Variants in HRH1 observed in about 807,000 individuals in gnomAD.
The protein encoded by HRH1 is histamine H1 receptor.
In HRH1, 6 loss-of-function variants were observed where a neutral mutation model predicts 10.3. That is an observed-to-expected ratio of 0.58 (90% confidence interval 0.32 to 1.15). The LOEUF is 1.15. Among genes scored for constraint, HRH1 ranks in the 50% most tolerant of loss-of-function variants. The pLI is 0.05. For synonymous variants in HRH1, 242 were observed against 236.7 expected, an observed-to-expected ratio of 1.02 and a Z score of -0.21; for missense variants, 514 against 615.3, an observed-to-expected ratio of 0.84 and a Z score of 1.74.
chr3:11,228,206 T>C (rs759798766), intron 1 of HRH1, among the ~76,000 whole-genome samples: 8 of 152,178 alleles, frequency 5.3e-5, no homozygotes, highest in Non-Finnish European at 7.3e-5. Flanking sequence ...ATTGGTTGCA[T>C]TGGAACCATC....
intron 1 of HRH1, among the ~76,000 whole-genome samples, chr3:11,168,118 T>C (rs2125011539): frequency 6.6e-6 from 1 of 152,178 alleles, no homozygotes; most frequent in East Asian, 1.9e-4. Flanking sequence ...GATTGAAGCA[T>C]GCATGCCCGT....
chr3:11,260,627 G>T lies in HRH1; in HGVS notation c.*126G>T. On this transcript the variant is annotated 3_prime_UTR_variant, in exon 2 of 2. Transcript: ENST00000431010. ...TGGAATCCAAACCACAGTCTTAGGGGCTTGGTAGTTTGGAAAGTTCTTAGG... is the reference window on the plus strand; with the variant it reads ...TGGAATCCAAACCACAGTCTTAGGGTCTTGGTAGTTTGGAAAGTTCTTAGG... 3 of 854,896 alleles carry T rather than the reference G, an allele frequency of 3.5e-6. No individual in the cohort carries two copies. Among genetic ancestry groups the T allele is most frequent in the Non-Finnish European group, 5.6e-6 (3 of 537,676 alleles). 53.0% of individuals were successfully genotyped at this position (854,896 alleles called of 1,614,324 possible).
chr3:11,191,454 A>G (rs2125021535), intron 1 of HRH1, among the ~76,000 whole-genome samples: 1 of 152,322 alleles, frequency 6.6e-6, no homozygotes, highest in South Asian at 2.1e-4. Context: ...TAGGAGCTTC[A>G]GGTGTTAGTG....
chr3:11,189,207 C>G (rs942562264), intron 1 of HRH1, among the ~76,000 whole-genome samples: 1 of 151,640 alleles, frequency 6.6e-6, no homozygotes, highest in African/African-American at 2.4e-5. Flanking sequence ...TCTGCATCCT[C>G]AGACTAATGT....
chr3:11,139,893 A>G (rs1431732616), intron 1 of HRH1, among the ~76,000 whole-genome samples: 1 of 152,228 alleles, frequency 6.6e-6, no homozygotes, highest in Non-Finnish European at 1.5e-5. Context: ...GAAAACTGCT[A>G]GTGGTGATGG....
intron 1 of HRH1, among the ~76,000 whole-genome samples, chr3:11,223,815 A>G (rs1938793189): frequency 6.6e-6 from 1 of 152,240 alleles, no homozygotes; most frequent in Non-Finnish European, 1.5e-5. Flanking sequence ...AGAAGTTGAG[A>G]GAAGGGTTCA....
At chr3:11,239,684 C>A (rs1396444253) in intron 1 of HRH1, among the ~76,000 whole-genome samples, 1 of 152,046 alleles carries the variant, frequency 6.6e-6, no homozygotes, top group African/African-American at 2.4e-5. Flanking sequence ...CTAAATTCAT[C>A]CTTCTGCTGG....
Position 11,260,653 on chromosome 3 carries a change from C to T in HRH1, c.*152C>T, listed in dbSNP as rs1264307331. 4 of 692,720 alleles carry T rather than the reference C, an allele frequency of 5.8e-6. No homozygotes were observed. The Admixed American group carries it at 8.2e-5, about 14-fold the overall frequency. 42.9% of individuals were successfully genotyped at this position (692,720 alleles called of 1,614,324 possible). ...CTTGGTAGTTTGGAAAGTTCTTAGGCACCATAGAAGAACAGCAGATGGCGG... is the reference window on the plus strand; with the variant it reads ...CTTGGTAGTTTGGAAAGTTCTTAGGTACCATAGAAGAACAGCAGATGGCGG... On this transcript the variant is annotated 3_prime_UTR_variant, in exon 2 of 2. Coordinates refer to ENST00000431010, the MANE Select transcript of HRH1 (RefSeq NM_001098212.2).
At chr3:11,213,997 C>T (rs1160736826) in intron 1 of HRH1, among the ~76,000 whole-genome samples, 1 of 151,922 alleles carries the variant, frequency 6.6e-6, no homozygotes, top group Non-Finnish European at 1.5e-5. Flanking sequence ...CTGAGGTGGG[C>T]CTGGGGCCGG....
chr3:11,167,796 A>ACG (rs1937076167), intron 1 of HRH1, among the ~76,000 whole-genome samples: 1 of 152,240 alleles, frequency 6.6e-6, no homozygotes, highest in African/African-American at 2.4e-5. Context: ...TCATGACATC[A>ACG]CGTGCTCAGC....
intron 1 of HRH1, among the ~76,000 whole-genome samples, chr3:11,176,291 C>T (rs569071863): frequency 1.3e-5 from 2 of 152,218 alleles, no homozygotes; most frequent in East Asian, 3.9e-4. Context: ...TTCCCACCCA[C>T]CTATAGTCCA....
chr3:11,262,802 G>A lies in HRH1; in HGVS notation c.*2301G>A, dbSNP rs1019591757. On this transcript the variant is annotated 3_prime_UTR_variant, in exon 2 of 2. Coordinates refer to ENST00000431010, the MANE Select transcript of HRH1 (RefSeq NM_001098212.2). ...AATGGTCAATAAATATAAATTACCAGCGTCTAAGGAACAAGGTCTATGCAT... is the reference window on the plus strand; with the variant it reads ...AATGGTCAATAAATATAAATTACCAACGTCTAAGGAACAAGGTCTATGCAT... 1 of 167,112 alleles carries A rather than the reference G, an allele frequency of 6.0e-6. No homozygotes were observed. Among genetic ancestry groups the A allele is most frequent in the African/African-American group, 2.4e-5 (1 of 41,462 alleles). 10.4% of individuals were successfully genotyped at this position (167,112 alleles called of 1,614,324 possible). A position where few individuals can be genotyped will look rare whatever the true frequency, so the allele number is the denominator to read the frequency against.
chr3:11,166,235 TAAC>T (rs1231276232), intron 1 of HRH1, among the ~76,000 whole-genome samples: 1 of 152,168 alleles, frequency 6.6e-6, no homozygotes, highest in East Asian at 1.9e-4. Flanking sequence ...AAAATATACA[TAAC>T]AACATGAGTG....
chr3:11,198,842 T>A (rs1036997709), intron 1 of HRH1, among the ~76,000 whole-genome samples: 4 of 151,722 alleles, frequency 2.6e-5, no homozygotes, highest in African/African-American at 9.7e-5. Flanking sequence ...GAAAACTTCA[T>A]AGATGTGAAC....
intron 1 of HRH1, among the ~76,000 whole-genome samples, chr3:11,217,569 G>T (rs1372151104): frequency 2.0e-5 from 3 of 152,104 alleles, no homozygotes; most frequent in Non-Finnish European, 4.4e-5. Flanking sequence ...AGTGCCAGGG[G>T]TTGAGGGAGG....
chr3:11,255,177 G>A (rs1939753092), intron 1 of HRH1, among the ~76,000 whole-genome samples: 1 of 152,204 alleles, frequency 6.6e-6, no homozygotes. Flanking sequence ...ATCTCTGACA[G>A]GAGGCTGCAG....
At chr3:11,179,619 CAA>C (rs573336817) in intron 1 of HRH1, among the ~76,000 whole-genome samples, 8 of 109,336 alleles carry the variant, frequency 7.3e-5, no homozygotes, top group Admixed American at 9.7e-5. Context: ...GACTCTGTCT[CAA>C]AAAAAAAAAA....
intron 1 of HRH1, among the ~76,000 whole-genome samples, chr3:11,179,258 A>C (rs1937304293): frequency 6.6e-6 from 1 of 152,104 alleles, no homozygotes; most frequent in African/African-American, 2.4e-5. Flanking sequence ...ACTGCACTCC[A>C]GCCTGGGCTA....
At chr3:11,234,138 A>G in intron 1 of HRH1, 1 of 659,230 alleles carries the variant, frequency 1.5e-6, no homozygotes. Flanking sequence ...GTTATTTTGT[A>G]TATTACAGTG....
Sources: allele counts gnomAD v4.1 joint callset (sites outside exome capture counted in the v4.1 genomes callset), GRCh38; gene constraint gnomAD v4.1.1; transcripts MANE v1.5; gene names NCBI Gene and HGNC (gene_info 2026-07-23, HGNC 2026-07-21).